ATP11B: variants seen among roughly 807,000 people sequenced by gnomAD.
ATP11B encodes the protein phospholipid-transporting ATPase IF.
ATP11B carries 81 observed loss-of-function variants against 157.8 expected under a neutral mutation model. The observed-to-expected ratio is 0.51, with a 90% confidence interval of 0.43 to 0.62. The LOEUF is 0.62. Among genes scored for constraint, ATP11B ranks in the 20% least tolerant of loss-of-function variants. The probability of loss-of-function intolerance (pLI) is 0.00; values close to 1 mark genes in which losing one functional copy is unlikely to be tolerated. For synonymous variants in ATP11B, 451 were observed against 469.4 expected, an observed-to-expected ratio of 0.96 and a Z score of 0.51; for missense variants, 1,165 against 1,402.2, an observed-to-expected ratio of 0.83 and a Z score of 2.70.
At chr3:182,857,849 TG>T (rs766563493) in intron 10 of ATP11B, 28 bp from the exon 11 acceptor site, 1 of 1,358,768 alleles carries the variant, frequency 7.4e-7, no homozygotes, top group Admixed American at 1.8e-5. Context: ...ATGAGTTGTA[TG>T]TTTTATATTC....
intron 17 of ATP11B, among the ~76,000 whole-genome samples, chr3:182,871,409 CT>C (rs1721647091): frequency 6.6e-6 from 1 of 152,216 alleles, no homozygotes; most frequent in African/African-American, 2.4e-5. Flanking sequence ...GAGATGAATA[CT>C]ATAAGAAAAC....
rs1240818012 is a variant in ATP11B at position 182,920,329 on chromosome 3, G to A, written c.*2225G>A. On this transcript the variant is annotated 3_prime_UTR_variant, in exon 30 of 30. Coordinates refer to ENST00000323116, the MANE Select transcript of ATP11B (RefSeq NM_014616.3). Reference sequence around the variant, plus strand: ...TGAACTGTTACTCCAAATCCACTCCGTTTTTAAAGCAAAATTATCTTGTGA... The same window carrying A: ...TGAACTGTTACTCCAAATCCACTCCATTTTTAAAGCAAAATTATCTTGTGA... 1 of 152,098 alleles carries A rather than the reference G, an allele frequency of 6.6e-6. No individual in the cohort carries two copies. The highest frequency in any genetic ancestry group is 1.5e-5 in the Non-Finnish European group (1 of 68,004). 9.4% of individuals were successfully genotyped at this position (152,098 alleles called of 1,614,324 possible).
intron 1 of ATP11B, among the ~76,000 whole-genome samples, chr3:182,817,758 G>A (rs1361610768): frequency 6.6e-6 from 1 of 151,728 alleles, no homozygotes; most frequent in Admixed American, 6.6e-5. Flanking sequence ...CATAACTGAG[G>A]TGTTGCTGTA....
At chr3:182,911,739 C>T (rs1161482296) in intron 28 of ATP11B, among the ~76,000 whole-genome samples, 1 of 152,166 alleles carries the variant, frequency 6.6e-6, no homozygotes, top group Non-Finnish European at 1.5e-5. Flanking sequence ...TTACTATCCC[C>T]TGTGGAAAGT....
At chr3:182,889,104 G>A (rs550258022) in intron 24 of ATP11B, among the ~76,000 whole-genome samples, 4 of 151,300 alleles carry the variant, frequency 2.6e-5, no homozygotes, top group Non-Finnish European at 4.4e-5. Context: ...CTTGTGATCC[G>A]CCCACCTTGG....
intron 18 of ATP11B, among the ~76,000 whole-genome samples, chr3:182,872,835 T>C (rs1721765079): frequency 6.6e-6 from 1 of 152,234 alleles, no homozygotes; most frequent in Admixed American, 6.5e-5. Context: ...TTCTCCAGCC[T>C]TCCCTCCTAC....
chr3:182,885,516 G>A (rs999010800), intron 22 of ATP11B, among the ~76,000 whole-genome samples: 1 of 151,942 alleles, frequency 6.6e-6, no homozygotes, highest in African/African-American at 2.4e-5. Context: ...TATTTTTCTA[G>A]CTTTTACTTG....
rs555324755 is a variant in ATP11B at position 182,845,722 on chromosome 3, A to G, written c.769+200A>G. Among the ~76,000 whole-genome samples the G allele has an allele frequency of 1.1e-3, 160 of 152,310 alleles. 2 individuals carry two copies. Among genetic ancestry groups the G allele is most frequent in the African/African-American group, 3.5e-3 (147 of 41,566 alleles). On this transcript the variant is annotated intron_variant, in intron 9 of 29. Coordinates refer to ENST00000323116, the MANE Select transcript of ATP11B (RefSeq NM_014616.3). ...TTGATGATCCCTGTTTTTTAATAGTAGACTAGAACCTTGATCTTATGTTAT... is the reference window on the plus strand; with the variant it reads ...TTGATGATCCCTGTTTTTTAATAGTGGACTAGAACCTTGATCTTATGTTAT...
chr3:182,909,018 T>C (rs1724581338), intron 28 of ATP11B, among the ~76,000 whole-genome samples: 1 of 152,224 alleles, frequency 6.6e-6, no homozygotes, highest in African/African-American at 2.4e-5. Flanking sequence ...TTGACAGTTA[T>C]TATCTAAACT....
At chr3:182,898,822 A>T (rs1348774969) in intron 28 of ATP11B, 50 bp downstream of exon 28, 2 of 1,204,218 alleles carry the variant, frequency 1.7e-6, no homozygotes, top group Non-Finnish European at 2.2e-6. Context: ...AGGGATCTTT[A>T]ATAATGAATA....
intron 26 of ATP11B, 89 bp downstream of exon 26, chr3:182,896,854 T>G: frequency 1.2e-6 from 1 of 841,898 alleles, no homozygotes; most frequent in South Asian, 2.2e-5. Flanking sequence ...CATAGATACT[T>G]TCCCTTTTTC....
chr3:182,842,020 G>C, intron 7 of ATP11B, 55 bp from the exon 8 acceptor site: 5 of 983,928 alleles, frequency 5.1e-6, no homozygotes, highest in South Asian at 1.6e-5. Flanking sequence ...CAAAAAAACA[G>C]CCATTGATGT....
intron 1 of ATP11B, among the ~76,000 whole-genome samples, chr3:182,815,963 CTGATT>C (rs1347258866): frequency 2.0e-5 from 3 of 152,100 alleles, no homozygotes; most frequent in Non-Finnish European, 4.4e-5. Context: ...TAGCTGTTTG[CTGATT>C]TGATTTCTCC....
At chr3:182,815,543 A>G (rs749931839) in intron 1 of ATP11B, among the ~76,000 whole-genome samples, 4 of 152,146 alleles carry the variant, frequency 2.6e-5, no homozygotes, top group Non-Finnish European at 5.9e-5. Context: ...GCCAGCAAAA[A>G]TCACTTTCTG....
At chr3:182,842,338 A>G (rs1394642143) in intron 8 of ATP11B, among the ~76,000 whole-genome samples, 1 of 152,214 alleles carries the variant, frequency 6.6e-6, no homozygotes, top group African/African-American at 2.4e-5. Flanking sequence ...TGGTCAACCC[A>G]GAACTGCTTA....
intron 4 of ATP11B, among the ~76,000 whole-genome samples, chr3:182,832,254 A>G (rs1011776573): frequency 6.6e-6 from 1 of 152,200 alleles, no homozygotes; most frequent in African/African-American, 2.4e-5. Flanking sequence ...TGTTAGTATG[A>G]TTATTAAATA....
chr3:182,841,152 C>A (rs1161323798), intron 7 of ATP11B, among the ~76,000 whole-genome samples: 1 of 152,224 alleles, frequency 6.6e-6, no homozygotes, highest in East Asian at 1.9e-4. Flanking sequence ...ACCTTCAAGT[C>A]TGCTTAAATC....
At chr3:182,841,606 A>C (rs938784283) in intron 7 of ATP11B, among the ~76,000 whole-genome samples, 1 of 152,160 alleles carries the variant, frequency 6.6e-6, no homozygotes, top group African/African-American at 2.4e-5. Context: ...TTAAGGACTG[A>C]TAAGTGTTTT....
At chr3:182,903,183 G>T (rs1447141085) in intron 28 of ATP11B, among the ~76,000 whole-genome samples, 3 of 152,074 alleles carry the variant, frequency 2.0e-5, no homozygotes, top group Non-Finnish European at 4.4e-5. Flanking sequence ...TTAAATTCTA[G>T]AACTGTTTAT....
Sources: allele counts gnomAD v4.1 joint callset (sites outside exome capture counted in the v4.1 genomes callset), GRCh38; gene constraint gnomAD v4.1.1; transcripts MANE v1.5; gene names NCBI Gene and HGNC (gene_info 2026-07-23, HGNC 2026-07-21).